GPRC5D: variants seen among roughly 807,000 people sequenced by gnomAD.
The protein encoded by GPRC5D is G protein-coupled receptor class C group 5 member D, also known as G protein-coupled receptor family C group 5 member D.
GPRC5D carries 20 observed loss-of-function variants against 29.3 expected under a neutral mutation model. That is an observed-to-expected ratio of 0.68 (90% CI 0.48 to 0.99). The LOEUF (loss-of-function observed/expected upper bound fraction) is 0.99, where lower values mean the gene tolerates loss of function less well. GPRC5D is among the 50% of genes least tolerant of loss of function. GPRC5D has a pLI of 0.00. For missense variants in GPRC5D, 384 were observed against 423.6 expected (o/e 0.91, Z 0.82); for synonymous variants, 178 against 171.3 (o/e 1.04, Z -0.30).
exon 1 of GPRC5D, chr12:12,949,686 T>C: frequency 6.2e-7 from 1 of 1,614,154 alleles, no homozygotes; most frequent in Non-Finnish European, 8.5e-7. Context: ...ACTGGGGCTG[T>C]CGCTGGAACT....
At chr12:12,943,581 G>C (rs767507227) in intron 1 of GPRC5D, among the ~76,000 whole-genome samples, 3 of 152,168 alleles carry the variant, frequency 2.0e-5, no homozygotes, top group Non-Finnish European at 4.4e-5. Context: ...TGGTGCTGCA[G>C]TTATAATAGA....
chr12:12,949,965 T>C, exon 1 of GPRC5D: 1 of 1,614,030 alleles, frequency 6.2e-7, no homozygotes, highest in Non-Finnish European at 8.5e-7. Context: ...CAATAATGAT[T>C]TGCAACAGAC....
intron 1 of GPRC5D, among the ~76,000 whole-genome samples, chr12:12,946,414 T>TAC (rs1482469663): frequency 2.3e-5 from 1 of 42,680 alleles, no homozygotes; most frequent in Non-Finnish European, 9.1e-5. Flanking sequence ...TTCTCTCTCT[T>TAC]TCTCTCTCTC....
At chr12:12,941,785 A>G (rs1863153447) in intron 2 of GPRC5D, among the ~76,000 whole-genome samples, 1 of 152,214 alleles carries the variant, frequency 6.6e-6, no homozygotes, top group African/African-American at 2.4e-5. Flanking sequence ...GATGATGATG[A>G]CATACCCTGC....
exon 1 of GPRC5D, chr12:12,950,098 A>G: frequency 6.2e-7 from 1 of 1,614,092 alleles, no homozygotes; most frequent in Non-Finnish European, 8.5e-7. Context: ...GAGAACCCCA[A>G]AGAGAAAGTA....
chr12:12,949,216 A>G (rs1258617740), intron 1 of GPRC5D, among the ~76,000 whole-genome samples: 1 of 152,154 alleles, frequency 6.6e-6, no homozygotes, highest in Non-Finnish European at 1.5e-5. Flanking sequence ...ACCAGTGTGA[A>G]CATTCAGAGT....
At chr12:12,944,794 TTCCTTCCCTTCCTTCCTTCC>T (rs1863237307) in intron 1 of GPRC5D, among the ~76,000 whole-genome samples, 1 of 26,882 alleles carries the variant, frequency 3.7e-5, no homozygotes, top group African/African-American at 6.1e-5. Flanking sequence ...CCTTCCTTCC[TTCCTTCCCTTCCTTCCTTCC>T]TTCCTTCCTT....
At chr12:12,944,807 TTCCTTCCTTCCTTCCTTCCTTCCTTCC>T (rs1863240654) in intron 1 of GPRC5D, among the ~76,000 whole-genome samples, 1 of 7,534 alleles carries the variant, frequency 1.3e-4, no homozygotes, top group African/African-American at 2.2e-4. Flanking sequence ...CTTCCCTTCC[TTCCTTCCTTCCTTCCTTCCTTCCTTCC>T]TTCCTTCCTT....
rs543559169 is a variant in GPRC5D, at chr12:12,943,687, A to G, written c.896-1359T>C. Among the ~76,000 whole-genome samples, 51 of 150,648 alleles carry G rather than the reference A, an allele frequency of 3.4e-4. 2 individuals carry two copies. In the South Asian group the frequency reaches 0.01, roughly 31 times the overall value. On this transcript the variant is annotated intron_variant, in intron 1 of 2. Coordinates refer to ENST00000228887, the Ensembl canonical transcript of GPRC5D. ...TACATGAAATGCTTGTCTTTCCTTCATGGCAGAACAAACTGAATCCTTGGC... is the reference window on the plus strand; with the variant it reads ...TACATGAAATGCTTGTCTTTCCTTCGTGGCAGAACAAACTGAATCCTTGGC...
Position 12,949,378 on chromosome 12 carries a change from C to G in GPRC5D, c.895+112G>C, listed in dbSNP as rs995087375. The G allele has an allele frequency of 3.6e-5, 33 of 921,632 alleles. No homozygotes were observed. In the African/African-American group the frequency reaches 5.3e-4, roughly 15 times the overall value. 57.1% of individuals were successfully genotyped at this position (921,632 alleles called of 1,614,324 possible). ...GCTTGAACTATGAAGCCACCCACCCCAAATCTGACCATTTTCTTTTAGTTT... is the reference window on the plus strand; with the variant it reads ...GCTTGAACTATGAAGCCACCCACCCGAAATCTGACCATTTTCTTTTAGTTT... On this transcript the variant is annotated intron_variant, in intron 1 of 2. Coordinates refer to ENST00000228887, the Ensembl canonical transcript of GPRC5D.
At chr12:12,950,749 T>C (rs1013301987), upstream of GPRC5D, among the ~76,000 whole-genome samples, 2 of 150,202 alleles carry the variant, frequency 1.3e-5, no homozygotes, top group Non-Finnish European at 3.0e-5. Context: ...AGAGTTTACA[T>C]TGAGCCGAGA....
chr12:12,949,070 A>G (rs977230023), intron 1 of GPRC5D, among the ~76,000 whole-genome samples: 4 of 152,238 alleles, frequency 2.6e-5, no homozygotes, highest in Non-Finnish European at 4.4e-5. Context: ...TAAAATGTCC[A>G]TCACTGCTGC....
chr12:12,944,838 CTTCCTTCCTTCCTTCTTTCTTTCT>C (rs1565477312), intron 1 of GPRC5D, among the ~76,000 whole-genome samples: 15 of 20,724 alleles, frequency 7.2e-4, no homozygotes, highest in African/African-American at 1.4e-3. Flanking sequence ...TCCTTCCTTC[CTTCCTTCCTTCCTTCTTTCTTTCT>C]TTCTTTCTTT....
intron 2 of GPRC5D, among the ~76,000 whole-genome samples, chr12:12,941,545 A>G (rs1484090583): frequency 6.6e-6 from 1 of 152,228 alleles, no homozygotes; most frequent in African/African-American, 2.4e-5. Context: ...TTAGTGGCCT[A>G]GTAAATTCAT....
intron 1 of GPRC5D, among the ~76,000 whole-genome samples, chr12:12,944,781 C>T (rs1565476898): frequency 5.9e-5 from 2 of 33,626 alleles, no homozygotes; most frequent in Middle Eastern, 0.018. Context: ...TTCTTCCTTC[C>T]TTCCTTCCTT....
At chr12:12,947,098 A>T (rs1863367845) in intron 1 of GPRC5D, 1 of 152,144 alleles carries the variant, frequency 6.6e-6, no homozygotes, top group Non-Finnish European at 1.5e-5. Context: ...AACTTCCCAC[A>T]CTTCTCATTA....
At chr12:12,946,441 TC>T in intron 1 of GPRC5D, among the ~76,000 whole-genome samples, 1 of 10,338 alleles carries the variant, frequency 9.7e-5, no homozygotes, top group Non-Finnish European at 1.6e-3. Flanking sequence ...TCTCTTTCTC[TC>T]TCTCTCTCTC....
chr12:12,940,897 A>G, intron 2 of GPRC5D, 48 bp from the exon 4 acceptor site: 1 of 1,201,244 alleles, frequency 8.3e-7, no homozygotes, highest in Non-Finnish European at 1.2e-6. Flanking sequence ...AACAAAAGAA[A>G]TGATATTCTC....
intron 1 of GPRC5D, among the ~76,000 whole-genome samples, chr12:12,942,929 C>G (rs1354511893): frequency 6.6e-6 from 1 of 152,138 alleles, no homozygotes; most frequent in Non-Finnish European, 1.5e-5. Flanking sequence ...CCTTGGGCAT[C>G]TCACTCTTTT....
Sources: allele counts gnomAD v4.1 joint callset (sites outside exome capture counted in the v4.1 genomes callset), GRCh38; gene constraint gnomAD v4.1.1; transcripts MANE v1.5; gene names NCBI Gene and HGNC (gene_info 2026-07-23, HGNC 2026-07-21).